Variants in UQCRH observed in about 807,000 individuals in gnomAD.
The protein encoded by UQCRH is cytochrome b-c1 complex subunit 6, mitochondrial.
UQCRH carries 14 observed loss-of-function variants against 16.3 expected under a neutral mutation model. That is an observed-to-expected ratio of 0.86 (90% CI 0.57 to 1.34). The LOEUF (loss-of-function observed/expected upper bound fraction) is 1.34. UQCRH is among the 40% of genes most tolerant of loss of function. The pLI is 0.00. For synonymous variants in UQCRH, 41 were observed against 41.9 expected (o/e 0.98, Z 0.08); for missense variants, 89 against 111.9 (o/e 0.80, Z 0.92).
intron 3 of UQCRH, among the ~76,000 whole-genome samples, chr1:46,315,977 A>G (rs957333544): frequency 6.6e-6 from 1 of 152,206 alleles, no homozygotes; most frequent in African/African-American, 2.4e-5. Context: ...ATGAGCCAGC[A>G]TAGGAAACAG....
chr1:46,304,585 C>T (rs1661327366), intron 1 of UQCRH, among the ~76,000 whole-genome samples: 1 of 152,032 alleles, frequency 6.6e-6, no homozygotes, highest in African/African-American at 2.4e-5. Flanking sequence ...GGGGGTTTCA[C>T]TCTGTTGGCC....
Position 46,316,751 on chromosome 1 carries a change from T to G in UQCRH, c.*167T>G. ...CTATGTAATTCGCAATGATTCCATCTAAATAAAAGTTCTATGATCTGCAAA... is the reference window on the plus strand; with the variant it reads ...CTATGTAATTCGCAATGATTCCATCGAAATAAAAGTTCTATGATCTGCAAA... On this transcript the variant is annotated 3_prime_UTR_variant, in exon 4 of 4. Transcript: ENST00000311672. 1 of 933,542 alleles carries G rather than the reference T, an allele frequency of 1.1e-6. No individual in the cohort carries two copies. Among genetic ancestry groups the G allele is most frequent in the Non-Finnish European group, 1.5e-6 (1 of 658,216 alleles). The allele number at this position is 933,542 out of a possible 1,614,324, so 57.8% of individuals were successfully genotyped here.
At chr1:46,308,443 G>T (rs777789936) in intron 1 of UQCRH, among the ~76,000 whole-genome samples, 1 of 152,124 alleles carries the variant, frequency 6.6e-6, no homozygotes, top group Non-Finnish European at 1.5e-5. Flanking sequence ...GAATAATTTC[G>T]TTGGGCTCTA....
intron 1 of UQCRH, among the ~76,000 whole-genome samples, chr1:46,308,773 T>A (rs1661417187): frequency 6.6e-6 from 1 of 152,164 alleles, no homozygotes; most frequent in Non-Finnish European, 1.5e-5. Context: ...CCCAGGAGTT[T>A]GTGGCTGCAG....
chr1:46,316,740 A>G lies in UQCRH; in HGVS notation c.*156A>G, dbSNP rs941561561. The G allele has an allele frequency of 6.8e-6, 7 of 1,033,478 alleles. No individual in the cohort carries two copies. Among genetic ancestry groups the G allele is most frequent in the African/African-American group, 6.8e-5 (4 of 59,064 alleles). The allele number at this position is 1,033,478 out of a possible 1,614,324, so 64.0% of individuals were successfully genotyped here. On this transcript the variant is annotated 3_prime_UTR_variant, in exon 4 of 4. Transcript: ENST00000311672. Reference sequence around the variant, plus strand: ...GCTGGTAGCTTCTATGTAATTCGCAATGATTCCATCTAAATAAAAGTTCTA... The same window carrying G: ...GCTGGTAGCTTCTATGTAATTCGCAGTGATTCCATCTAAATAAAAGTTCTA...
chr1:46,316,454 T>C, intron 3 of UQCRH, 98 bp from the exon 4 acceptor site: 1 of 1,521,604 alleles, frequency 6.6e-7, no homozygotes, highest in Non-Finnish European at 9.0e-7. Flanking sequence ...AGGGGAGTGG[T>C]GAGAAGAGGG....
intron 2 of UQCRH, chr1:46,309,811 A>G: frequency 8.3e-7 from 1 of 1,211,904 alleles, no homozygotes; most frequent in Non-Finnish European, 1.0e-6. Flanking sequence ...GACGTGTCAT[A>G]TTCCAAAATG....
intron 3 of UQCRH, among the ~76,000 whole-genome samples, chr1:46,316,092 A>G (rs760446418): frequency 1.3e-5 from 2 of 152,030 alleles, no homozygotes; most frequent in Non-Finnish European, 2.9e-5. Context: ...TCCTCCTAGC[A>G]TTTCCCATTA....
intron 1 of UQCRH, among the ~76,000 whole-genome samples, chr1:46,305,357 A>G (rs1434707592): frequency 1.3e-5 from 2 of 151,316 alleles, no homozygotes; most frequent in Non-Finnish European, 2.9e-5. Context: ...CAGAAAGGTC[A>G]GCAAGATCCA....
rs41292543 is a variant in UQCRH at position 46,309,111 on chromosome 1, A to G, written c.65A>G (p.Glu22Gly). ...GTTTTCCTTTTGTAGGAGGAAGAGG[A>G]AGAGGAGGAATTAGTGGTAAGAACT... ...ESGDPEEEEE[E>G]EEELVDPLTT... The change falls in exon 2 of 4, where the codon GAA becomes GGA. Residue 22 changes from glutamate to glycine, a missense_variant. Glu to Gly is a moderately conservative substitution (Grantham distance 98). Coordinates refer to ENST00000311672, the MANE Select transcript of UQCRH (RefSeq NM_006004.4). The G allele has an allele frequency of 0.092, 149,085 of 1,612,322 alleles. 7,839 individuals carry two copies. The highest frequency in any genetic ancestry group is 0.18 in the Middle Eastern group (1,064 of 6,056).
In UQCRH at chr1:46,303,740, G is replaced by C. The variant is rs1661301590; in HGVS notation, c.-27G>C. 6.8e-6 allele frequency: 11 copies of C among 1,614,084 alleles called. No homozygotes were observed. Among genetic ancestry groups the C allele is most frequent in the Non-Finnish European group, 9.3e-6 (11 of 1,179,986 alleles). On this transcript the variant is annotated 5_prime_UTR_variant, in exon 1 of 4. Coordinates refer to ENST00000311672, the MANE Select transcript of UQCRH (RefSeq NM_006004.4). ...GGGTTAGGTGCCGCTGTTGCTGCTC[G>C]TGTTGAATCTAGAACCGTAGCCAGA...
chr1:46,305,465 CT>C (rs1661354218), intron 1 of UQCRH, among the ~76,000 whole-genome samples: 1 of 145,990 alleles, frequency 6.8e-6, no homozygotes, highest in Non-Finnish European at 1.5e-5. Flanking sequence ...AATCCCAGCA[CT>C]TTGGGAGGCC....
intron 2 of UQCRH, 61 bp downstream of exon 2, chr1:46,309,188 T>G: frequency 5.1e-6 from 8 of 1,577,278 alleles, no homozygotes; most frequent in Non-Finnish European, 4.3e-6. Flanking sequence ...CTTCATGAAA[T>G]TCTAAGGGCA....
At chr1:46,308,108 A>AT (rs1186714756) in intron 1 of UQCRH, among the ~76,000 whole-genome samples, 1 of 152,234 alleles carries the variant, frequency 6.6e-6, no homozygotes, top group African/African-American at 2.4e-5. Flanking sequence ...ACTGGAGAGT[A>AT]TTAAGCACAC....
At chr1:46,310,044 G>A (rs757131874) in intron 2 of UQCRH, 111 bp from the exon 3 acceptor site, 29 of 1,551,924 alleles carry the variant, frequency 1.9e-5, no homozygotes, top group African/African-American at 1.1e-4. Flanking sequence ...CCTTCTGCAC[G>A]GTAATTCAGA....
chr1:46,303,875 G>C (rs1661306293), intron 1 of UQCRH, 55 bp downstream of exon 1: 1 of 1,612,832 alleles, frequency 6.2e-7, no homozygotes, highest in African/African-American at 1.3e-5. Flanking sequence ...CCAGGACCTA[G>C]CCCGCCAAAA....
At chr1:46,304,948 G>A (rs941275030) in intron 1 of UQCRH, among the ~76,000 whole-genome samples, 2 of 152,090 alleles carry the variant, frequency 1.3e-5, no homozygotes, top group Non-Finnish European at 2.9e-5. Context: ...CAGCCATTCT[G>A]GGCTGTGGGT....
At chr1:46,304,425 G>T (rs1055412736) in intron 1 of UQCRH, among the ~76,000 whole-genome samples, 195 of 148,394 alleles carry the variant, frequency 1.3e-3, no homozygotes, top group African/African-American at 4.8e-3. Context: ...TCGCTCTGTC[G>T]CCCAGGCTGG....
intron 3 of UQCRH, 106 bp from the exon 4 acceptor site, chr1:46,316,444 AGG>A: frequency 6.9e-7 from 1 of 1,439,094 alleles, no homozygotes. Flanking sequence ...CTATGTGAGA[AGG>A]GGAGTGGTGA....
Sources: allele counts gnomAD v4.1 joint callset (sites outside exome capture counted in the v4.1 genomes callset), GRCh38; gene constraint gnomAD v4.1.1; transcripts MANE v1.5; gene names NCBI Gene and HGNC (gene_info 2026-07-23, HGNC 2026-07-21).